The following PCDHGB4 variants were observed in gnomAD, a reference collection of about 807,000 sequenced individuals.
The protein encoded by PCDHGB4 is protocadherin gamma subfamily B, 4.
Under a neutral mutation model 60.5 loss-of-function variants are expected in PCDHGB4, and 38 were observed. That is an observed-to-expected ratio of 0.63 (90% CI 0.48 to 0.82). The LOEUF is 0.82. Among genes scored for constraint, PCDHGB4 ranks in the 40% least tolerant of loss-of-function variants. The pLI is 0.00. For missense variants in PCDHGB4, 1,109 were observed against 1,209.6 expected (o/e 0.92, Z 1.23); for synonymous variants, 456 against 509.7 (o/e 0.89, Z 1.42).
chr5:141,471,204 C>T (rs1349368582), intron 1 of PCDHGB4: 2 of 151,866 alleles, frequency 1.3e-5, no homozygotes, highest in African/African-American at 4.8e-5. Flanking sequence ...CACCCACCCC[C>T]ATGCCTGGCA....
chr5:141,419,103 C>A, intron 1 of PCDHGB4: 1 of 1,613,886 alleles, frequency 6.2e-7, no homozygotes, highest in South Asian at 1.1e-5. Flanking sequence ...CGGGAGCAGA[C>A]CCCAGAGTAC....
Position 141,440,827 on chromosome 5 carries a change from A to G in PCDHGB4, c.2397+50546A>G, listed in dbSNP as rs570022849. 7 of 152,196 alleles carry G rather than the reference A, an allele frequency of 4.6e-5. 1 individual carries two copies. The highest frequency in any genetic ancestry group is 1.4e-4 in the African/African-American group (6 of 41,526). 9.4% of individuals were successfully genotyped at this position (152,196 alleles called of 1,614,324 possible). A position where few individuals can be genotyped will look rare whatever the true frequency, so the allele number is the denominator to read the frequency against. ...GCAGCATCACTCAACTCCTGATCCT[A>G]TTGGTTGAAGCCAATGACAACCCTG... On this transcript the variant is annotated intron_variant, in intron 1 of 3. Transcript: ENST00000519479.
intron 1 of PCDHGB4, chr5:141,421,414 C>A (rs2096570568): frequency 1.9e-6 from 3 of 1,614,066 alleles, no homozygotes; most frequent in South Asian, 2.2e-5. Flanking sequence ...GCTGGCGAAG[C>A]GCGGAGTCCG....
intron 1 of PCDHGB4, among the ~76,000 whole-genome samples, chr5:141,435,951 G>C (rs371199258): frequency 3.9e-5 from 6 of 152,100 alleles, no homozygotes; most frequent in African/African-American, 1.4e-4. Flanking sequence ...ACCAAAAAAG[G>C]GGGCAAAATA....
intron 1 of PCDHGB4, among the ~76,000 whole-genome samples, chr5:141,483,644 G>GTGTT (rs919432945): frequency 6.8e-6 from 1 of 146,522 alleles, no homozygotes; most frequent in Non-Finnish European, 1.5e-5. Flanking sequence ...AGAGGGGTGT[G>GTGTT]TGTTTGTGTG....
chr5:141,490,822 C>T lies in PCDHGB4; in HGVS notation c.2398-3985C>T. ...GCGTACCTTTGACTATGAATTGCTG[C>T]AGATGCTGCAGATTGTGGTGGGGGT... On this transcript the variant is annotated intron_variant, in intron 1 of 3. Coordinates refer to ENST00000519479, the MANE Select transcript of PCDHGB4 (RefSeq NM_003736.4). This position sits in a 1 kb window ranked among gnomAD's most constrained non-coding sequence, Gnocchi z 5.4. 2 of 1,613,842 alleles carry T rather than the reference C, an allele frequency of 1.2e-6. No individual in the cohort carries two copies. Among genetic ancestry groups the T allele is most frequent in the Non-Finnish European group, 1.7e-6 (2 of 1,179,790 alleles).
chr5:141,479,050 C>G (rs1484021560), intron 1 of PCDHGB4, among the ~76,000 whole-genome samples: 1 of 152,164 alleles, frequency 6.6e-6, no homozygotes, highest in South Asian at 2.1e-4. Context: ...ACCTCATTCT[C>G]AGATAATTTT....
At chr5:141,440,763 T>A (rs2098198978) in intron 1 of PCDHGB4, 1 of 152,138 alleles carries the variant, frequency 6.6e-6, no homozygotes, top group Admixed American at 6.6e-5. Flanking sequence ...AGAGCTCCCA[T>A]CCCTTAGTGC....
At chr5:141,398,450 C>T in intron 1 of PCDHGB4, 1 of 1,574,388 alleles carries the variant, frequency 6.4e-7, no homozygotes, top group East Asian at 2.2e-5. Flanking sequence ...GAATTTGAGG[C>T]TGTTGCTGAA....
At chr5:141,404,408 A>G in intron 1 of PCDHGB4, 1 of 1,613,900 alleles carries the variant, frequency 6.2e-7, no homozygotes, top group Non-Finnish European at 8.5e-7. Flanking sequence ...TGAGAATTCT[A>G]GAGTTATTTA....
At chr5:141,409,122 T>G (rs1276365021) in intron 1 of PCDHGB4, 1 of 1,614,026 alleles carries the variant, frequency 6.2e-7, no homozygotes, top group South Asian at 1.1e-5. Context: ...AACCAGTCAT[T>G]TGATTTTGAA....
intron 1 of PCDHGB4, chr5:141,404,432 GATACC>G: frequency 6.2e-7 from 1 of 1,613,380 alleles, no homozygotes; most frequent in African/African-American, 1.3e-5. Context: ...CTTGGCAGAG[GATACC>G]ATCCAAGGGT....
rs765818637 is a variant in PCDHGB4 at position 141,409,918 on chromosome 5, C to T, written c.2397+19637C>T. ...ACCCAGCTCTGGGTCCTGACGGCTC[C>T]GCGTTCTTCGATATGGTACCTCGCT... On this transcript the variant is annotated intron_variant, in intron 1 of 3. Coordinates refer to ENST00000519479, the MANE Select transcript of PCDHGB4 (RefSeq NM_003736.4). 1.9e-6 allele frequency: 3 copies of T among 1,613,222 alleles called. No individual in the cohort carries two copies. In the African/African-American group the frequency reaches 4.0e-5, roughly 22 times the overall value.
chr5:141,442,894 C>T (rs1173211061), intron 1 of PCDHGB4, among the ~76,000 whole-genome samples: 1 of 152,204 alleles, frequency 6.6e-6, no homozygotes, highest in Non-Finnish European at 1.5e-5. Flanking sequence ...CCCTGCTTAT[C>T]ACTTCTCCTT....
At chr5:141,405,415 G>A in intron 1 of PCDHGB4, 4 of 1,559,568 alleles carry the variant, frequency 2.6e-6, no homozygotes, top group African/African-American at 1.4e-5. Flanking sequence ...TTCTTTTTTT[G>A]TTTTTTGTTT....
At chr5:141,498,964 G>A (rs1342764380) in intron 2 of PCDHGB4, among the ~76,000 whole-genome samples, 2 of 127,572 alleles carry the variant, frequency 1.6e-5, no homozygotes, top group Admixed American at 8.7e-5. Context: ...AGAGAGGGAG[G>A]GAGGGAGGGA....
intron 1 of PCDHGB4, among the ~76,000 whole-genome samples, chr5:141,483,517 CCTGA>C (rs72004558): frequency 0.16 from 24,470 of 151,950 alleles, 2,064 homozygotes; most frequent in African/African-American, 0.21. Context: ...CCCCCTAGAT[CCTGA>C]CTAAGGAAGC....
rs146574799 is a variant in PCDHGB4, at chr5:141,487,337, G to A, written c.2398-7470G>A. The A allele has an allele frequency of 1.4e-5, 23 of 1,614,054 alleles. No individual in the cohort carries two copies. The highest frequency in any genetic ancestry group is 3.3e-5 in the Admixed American group (2 of 60,002). The stretch of plus-strand genomic sequence containing the variant: ...TAAGTGTCTTCGTGGGGCAGCCTGT[G>A]GAGTCACATGCTTTCCTGCTGGCAC... On this transcript the variant is annotated intron_variant, in intron 1 of 3. Coordinates refer to ENST00000519479, the MANE Select transcript of PCDHGB4 (RefSeq NM_003736.4). The surrounding 1 kb of genome is among the most constrained non-coding windows in gnomAD (Gnocchi z 5.0).
At chr5:141,435,334 T>C (rs1223377462) in intron 1 of PCDHGB4, among the ~76,000 whole-genome samples, 1 of 152,196 alleles carries the variant, frequency 6.6e-6, no homozygotes, top group East Asian at 1.9e-4. Context: ...ATATAGTGAA[T>C]TTATTTCTTC....
Sources: gnomAD v4.1 joint callset for allele counts (sites outside exome capture counted in the v4.1 genomes callset) on GRCh38, gnomAD v4.1.1 for gene constraint, Gnocchi (gnomAD v3.1) non-coding constraint, MANE v1.5 for transcripts, NCBI Gene and HGNC (gene_info 2026-07-23, HGNC 2026-07-21) for gene names.